Variants in RORA observed in about 807,000 individuals in gnomAD.
The protein encoded by RORA is RAR related orphan receptor A.
RORA carries 7 observed loss-of-function variants against 69.5 expected under a neutral mutation model. That is an observed-to-expected ratio of 0.10 (90% confidence interval 0.06 to 0.19). RORA has a LOEUF of 0.19. Among genes scored for constraint, RORA ranks in the 10% least tolerant of loss-of-function variants. RORA has a pLI of 1.00. For missense variants in RORA, 457 were observed against 663.0 expected (o/e 0.69, Z 3.41); for synonymous variants, 261 against 240.8 (o/e 1.08, Z -0.78).
chr15:60,621,187 G>A (rs901071992), intron 2 of RORA, among the ~76,000 whole-genome samples: 1 of 149,824 alleles, frequency 6.7e-6, no homozygotes, highest in Non-Finnish European at 1.5e-5. Flanking sequence ...GTGTATCTCT[G>A]AACTTTCATC....
At chr15:60,637,651 T>C (rs886222084) in intron 2 of RORA, among the ~76,000 whole-genome samples, 15 of 152,130 alleles carry the variant, frequency 9.9e-5, no homozygotes, top group African/African-American at 3.4e-4. Context: ...TCATGCACAA[T>C]TTATTACTTT....
chr15:60,650,035 G>A (rs1209203077), intron 2 of RORA, among the ~76,000 whole-genome samples: 1 of 152,110 alleles, frequency 6.6e-6, no homozygotes, highest in African/African-American at 2.4e-5. Context: ...CACGAGTCAT[G>A]GTAACTGACC....
At chr15:61,148,862 T>A (rs2079373817) in intron 1 of RORA, among the ~76,000 whole-genome samples, 1 of 152,068 alleles carries the variant, frequency 6.6e-6, no homozygotes, top group South Asian at 2.1e-4. Context: ...TACCCAGGTA[T>A]GAAAGTTGAT....
intron 1 of RORA, among the ~76,000 whole-genome samples, chr15:60,804,491 GCATCTGAATCTGAAGCCAGGGC>G (rs535713729): frequency 4.9e-4 from 74 of 152,234 alleles, no homozygotes; most frequent in Non-Finnish European, 9.0e-4. Flanking sequence ...GGGAATGGCA[GCATCTGAATCTGAAGCCAGGGC>G]CATCTGAATC....
At chr15:60,887,781 T>A (rs2073767820) in intron 1 of RORA, among the ~76,000 whole-genome samples, 1 of 152,174 alleles carries the variant, frequency 6.6e-6, no homozygotes, top group South Asian at 2.1e-4. Context: ...CACTGAATCA[T>A]GACCTTGCCG....
Position 60,537,143 on chromosome 15 carries a change from C to T in RORA, c.197-5292G>A, listed in dbSNP as rs1002886831. ...GCTGCCTGAATGGCGGCCTGGCTTG[C>T]GTGTCAAGGTTAGCCGGGGGAGAGC... On this transcript the variant is annotated intron_variant, in intron 2 of 10. Coordinates refer to ENST00000335670, the MANE Select transcript of RORA (RefSeq NM_134261.3). This position sits in a 1 kb window ranked among gnomAD's most constrained non-coding sequence, Gnocchi z 4.9. Among the ~76,000 whole-genome samples, 3 of 152,208 alleles carry T rather than the reference C, an allele frequency of 2.0e-5. No individual in the cohort carries two copies. The highest frequency in any genetic ancestry group is 6.5e-5 in the Admixed American group (1 of 15,278).
chr15:60,908,701 C>T (rs1169242934), intron 1 of RORA, among the ~76,000 whole-genome samples: 4 of 152,132 alleles, frequency 2.6e-5, no homozygotes, highest in Non-Finnish European at 5.9e-5. Context: ...TTGTCCCCCT[C>T]CCTTCACCAC....
chr15:60,553,359 T>A (rs1040359453), intron 2 of RORA, among the ~76,000 whole-genome samples: 1 of 152,208 alleles, frequency 6.6e-6, no homozygotes, highest in Non-Finnish European at 1.5e-5. Context: ...GATTGTGACA[T>A]GTGCCAAGGG....
intron 1 of RORA, among the ~76,000 whole-genome samples, chr15:61,136,971 A>G (rs2079245751): frequency 6.6e-6 from 1 of 151,458 alleles, no homozygotes; most frequent in Non-Finnish European, 1.5e-5. Flanking sequence ...CCAGCATCCA[A>G]TGACTGGAGA....
intron 1 of RORA, among the ~76,000 whole-genome samples, chr15:61,105,318 G>A (rs1018607105): frequency 8.5e-5 from 13 of 152,296 alleles, no homozygotes; most frequent in African/African-American, 2.9e-4. Context: ...CAGGAAGAAT[G>A]TGTGATTTGT....
At chr15:60,837,676 G>T (rs1218729112) in intron 1 of RORA, among the ~76,000 whole-genome samples, 1 of 152,168 alleles carries the variant, frequency 6.6e-6, no homozygotes, top group Admixed American at 6.5e-5. Flanking sequence ...ACACAGCCTT[G>T]TGCACCATTT....
Position 60,716,905 on chromosome 15 carries a change from T to C in RORA, c.167-38219A>G, listed in dbSNP as rs1391408436. ...CCTAAACATCTCCTCATCTGTATCCTTTGCAATATCCTCTATAATAAACTG... is the reference window on the plus strand; with the variant it reads ...CCTAAACATCTCCTCATCTGTATCCCTTGCAATATCCTCTATAATAAACTG... On this transcript the variant is annotated intron_variant, in intron 1 of 10. Coordinates refer to ENST00000335670, the MANE Select transcript of RORA (RefSeq NM_134261.3). 2.6e-5 allele frequency among the ~76,000 whole-genome samples: 4 copies of C among 152,190 alleles called. No individual in the cohort carries two copies. In the South Asian group the frequency reaches 8.3e-4, roughly 32 times the overall value.
chr15:61,002,155 T>G (rs1483845184), intron 1 of RORA, among the ~76,000 whole-genome samples: 1 of 152,204 alleles, frequency 6.6e-6, no homozygotes, highest in East Asian at 1.9e-4. Context: ...TACCTGCATC[T>G]AGGAAGGAGG....
intron 1 of RORA, among the ~76,000 whole-genome samples, chr15:60,683,669 C>CACACACACACACAT (rs1555445522): frequency 6.6e-6 from 1 of 151,850 alleles, no homozygotes; most frequent in African/African-American, 2.4e-5. Flanking sequence ...CACACACACA[C>CACACACACACACAT]ACACACGGCA....
chr15:61,139,049 C>G (rs1596020777), intron 1 of RORA, among the ~76,000 whole-genome samples: 3 of 151,582 alleles, frequency 2.0e-5, no homozygotes, highest in Non-Finnish European at 4.4e-5. Flanking sequence ...GAGGCTGAGG[C>G]AGGAGAACGG....
chr15:60,940,519 G>A (rs936539211), intron 1 of RORA, among the ~76,000 whole-genome samples: 7 of 152,200 alleles, frequency 4.6e-5, no homozygotes, highest in African/African-American at 9.7e-5. Context: ...GGGATTGAGA[G>A]CCAAGAGGCC....
rs574483535 is a variant in RORA at position 60,692,974 on chromosome 15, G to A, written c.167-14288C>T. On this transcript the variant is annotated intron_variant, in intron 1 of 10. Transcript: ENST00000335670. Reference sequence around the variant, plus strand: ...ATGAGGCCAGCATCATCCTGATACCGAAACCTGGCAAAAATACAACAAAAA... The same window carrying A: ...ATGAGGCCAGCATCATCCTGATACCAAAACCTGGCAAAAATACAACAAAAA... Among the ~76,000 whole-genome samples the A allele has an allele frequency of 9.9e-5, 15 of 152,160 alleles. 1 individual carries two copies. Among genetic ancestry groups the A allele is most frequent in the South Asian group, 6.2e-4 (3 of 4,814 alleles).
At chr15:60,689,809 A>G (rs547698374) in intron 1 of RORA, among the ~76,000 whole-genome samples, 4 of 152,176 alleles carry the variant, frequency 2.6e-5, no homozygotes, top group Non-Finnish European at 5.9e-5. Context: ...TATAAGCTCA[A>G]GAATGCCAAG....
chr15:61,129,572 C>T (rs1001895007), intron 1 of RORA, among the ~76,000 whole-genome samples: 1 of 152,068 alleles, frequency 6.6e-6, no homozygotes. Flanking sequence ...ATGCCTGGTA[C>T]CTTTTTAAAT....
Sources: allele counts gnomAD v4.1 joint callset (sites outside exome capture counted in the v4.1 genomes callset), GRCh38; gene constraint gnomAD v4.1.1; non-coding constraint Gnocchi (gnomAD v3.1); transcripts MANE v1.5; gene names NCBI Gene and HGNC (gene_info 2026-07-23, HGNC 2026-07-21).